NAV3: variants seen among roughly 807,000 people sequenced by gnomAD.
NAV3 encodes the protein pore membrane and/or filament interacting like protein 1.
Under a neutral mutation model 244.7 loss-of-function variants are expected in NAV3, and 87 were observed. The observed-to-expected ratio is 0.36, with a 90% CI of 0.30 to 0.42. The LOEUF (loss-of-function observed/expected upper bound fraction) is 0.42. NAV3 is among the 20% of genes least tolerant of loss of function. The probability of loss-of-function intolerance (pLI) is 1.00; values close to 1 mark genes in which losing one functional copy is unlikely to be tolerated. For missense variants in NAV3, 2,663 were observed against 2,893.3 expected (o/e 0.92, Z 1.83); for synonymous variants, 1,126 against 1,042.2 (o/e 1.08, Z -1.55).
At chr12:78,008,706 C>T (rs1384788797) in intron 8 of NAV3, among the ~76,000 whole-genome samples, 1 of 151,884 alleles carries the variant, frequency 6.6e-6, no homozygotes, top group African/African-American at 2.4e-5. Context: ...GTTTTTTATA[C>T]ACTCAGCAAA....
At chr12:78,107,415 A>C (rs1328386147) in intron 12 of NAV3, among the ~76,000 whole-genome samples, 1 of 152,154 alleles carries the variant, frequency 6.6e-6, no homozygotes, top group Non-Finnish European at 1.5e-5. Flanking sequence ...CAGGCCGATA[A>C]AACGCAAAAA....
intron 12 of NAV3, among the ~76,000 whole-genome samples, chr12:78,099,998 A>G (rs1954458042): frequency 6.6e-6 from 1 of 151,912 alleles, no homozygotes; most frequent in South Asian, 2.1e-4. Context: ...ATAGCTGTAA[A>G]TCTTCATTAT....
chr12:78,135,862 T>C (rs1185865690), intron 18 of NAV3, among the ~76,000 whole-genome samples: 2 of 152,128 alleles, frequency 1.3e-5, no homozygotes, highest in African/African-American at 4.8e-5. Context: ...TTCCAATAGA[T>C]TGTGCACTTT....
At chr12:77,601,134 T>A (rs1342795483) in intron 2 of NAV3, among the ~76,000 whole-genome samples, 2 of 151,968 alleles carry the variant, frequency 1.3e-5, no homozygotes, top group African/African-American at 4.8e-5. Context: ...ATTAACTCAT[T>A]TTATCCGCAC....
At chr12:77,966,088 G>T in intron 3 of NAV3, 141 bp from the exon 4 acceptor site, 2 of 739,168 alleles carry the variant, frequency 2.7e-6, no homozygotes, top group South Asian at 3.2e-5. Flanking sequence ...AATAATTCTA[G>T]TTAAACTCTG....
At chr12:78,075,862 ACT>A (rs1177035753) in intron 12 of NAV3, among the ~76,000 whole-genome samples, 1 of 152,258 alleles carries the variant, frequency 6.6e-6, no homozygotes, top group East Asian at 1.9e-4. Context: ...AAAACAATGC[ACT>A]CTCAGTCCTA....
chr12:77,646,188 C>T (rs1872598789), intron 2 of NAV3, among the ~76,000 whole-genome samples: 1 of 152,092 alleles, frequency 6.6e-6, no homozygotes, highest in African/African-American at 2.4e-5. Context: ...AGAGAACTCA[C>T]TCTCATTCAT....
intron 2 of NAV3, among the ~76,000 whole-genome samples, chr12:77,588,469 G>A (rs916454531): frequency 2.6e-5 from 4 of 152,062 alleles, no homozygotes; most frequent in South Asian, 2.1e-4. Context: ...GAATAACCCC[G>A]TGGGGCACTT....
At chr12:77,977,793 C>A (rs1009156064) in intron 5 of NAV3, among the ~76,000 whole-genome samples, 3 of 151,728 alleles carry the variant, frequency 2.0e-5, no homozygotes, top group African/African-American at 4.8e-5. Context: ...TAAGGCCTAT[C>A]TGAAAATCTG....
intron 1 of NAV3, among the ~76,000 whole-genome samples, chr12:77,835,473 G>A (rs2136115745): frequency 6.6e-6 from 1 of 152,280 alleles, no homozygotes; most frequent in East Asian, 1.9e-4. Flanking sequence ...TGTGTGTTCA[G>A]TTGTCACTCC....
chr12:78,173,020 GAC>G (rs1393559188), intron 24 of NAV3, among the ~76,000 whole-genome samples: 2 of 151,564 alleles, frequency 1.3e-5, no homozygotes, highest in Non-Finnish European at 3.0e-5. Flanking sequence ...GGGCAGTGGT[GAC>G]ACAGAGGATG....
At chr12:77,792,682 T>C (rs1200502045) in intron 2 of NAV3, among the ~76,000 whole-genome samples, 1 of 152,226 alleles carries the variant, frequency 6.6e-6, no homozygotes, top group Non-Finnish European at 1.5e-5. Context: ...CACAGTAGCC[T>C]GAGACACATT....
At chr12:77,983,081 G>A (rs1869855160) in intron 5 of NAV3, among the ~76,000 whole-genome samples, 1 of 152,184 alleles carries the variant, frequency 6.6e-6, no homozygotes. Context: ...TGGAGAAATA[G>A]GCAGAGGTCA....
rs372724720 is a variant in NAV3, at chr12:78,199,821, G to C, written c.6715+290G>C. On this transcript the variant is annotated intron_variant, in intron 37 of 39. Coordinates refer to ENST00000397909, the MANE Select transcript of NAV3 (RefSeq NM_001024383.2). ...CTGGAAATGAATAGTATCGATTTAG[G>C]ATACTTTTTATGCTAAAAACAAATT... 5.3e-5 allele frequency among the ~76,000 whole-genome samples: 8 copies of C among 151,980 alleles called. No individual in the cohort carries two copies. The East Asian group carries it at 1.2e-3, about 22-fold the overall frequency.
At chr12:77,807,142 G>A (rs369937637) in intron 2 of NAV3, among the ~76,000 whole-genome samples, 8 of 152,180 alleles carry the variant, frequency 5.3e-5, no homozygotes, top group African/African-American at 1.9e-4. Flanking sequence ...TTGCCAGTCT[G>A]TGTCTGTTAA....
intron 5 of NAV3, among the ~76,000 whole-genome samples, chr12:77,991,698 C>A (rs1056471414): frequency 6.6e-6 from 1 of 152,120 alleles, no homozygotes; most frequent in Non-Finnish European, 1.5e-5. Context: ...TGTCTTTTAT[C>A]CTGTGACAAA....
chr12:77,588,811 ATATTTT>A (rs1869764930), intron 2 of NAV3, among the ~76,000 whole-genome samples: 1 of 151,848 alleles, frequency 6.6e-6, no homozygotes, highest in African/African-American at 2.4e-5. Context: ...TTTTGACAAA[ATATTTT>A]TATTTGAGAG....
chr12:78,202,438 A>C (rs1282914466), intron 38 of NAV3, among the ~76,000 whole-genome samples: 1 of 152,080 alleles, frequency 6.6e-6, no homozygotes, highest in Non-Finnish European at 1.5e-5. Context: ...TAAAATGCTT[A>C]GCATCCTTAG....
chr12:77,953,245 C>G (rs17817862), intron 3 of NAV3, among the ~76,000 whole-genome samples: 2 of 151,980 alleles, frequency 1.3e-5, no homozygotes, highest in Non-Finnish European at 2.9e-5. Context: ...TCCTCGGGAA[C>G]TTTCCATATC....
Sources: gnomAD v4.1 joint callset for allele counts (sites outside exome capture counted in the v4.1 genomes callset) on GRCh38, gnomAD v4.1.1 for gene constraint, MANE v1.5 for transcripts, NCBI Gene and HGNC (gene_info 2026-07-23, HGNC 2026-07-21) for gene names.